TAF4B: variants seen among roughly 807,000 people sequenced by gnomAD.
TAF4B encodes transcription initiation factor TFIID subunit 4B.
Under a neutral mutation model 86.4 loss-of-function variants are expected in TAF4B, and 38 were observed. That is an observed-to-expected ratio of 0.44 (90% CI 0.34 to 0.58). TAF4B has a LOEUF of 0.58. TAF4B is among the 20% of genes least tolerant of loss of function. The probability of loss-of-function intolerance (pLI) is 0.02; values close to 1 mark genes in which losing one functional copy is unlikely to be tolerated. For synonymous variants in TAF4B, 388 were observed against 391.2 expected (o/e 0.99, Z 0.10); for missense variants, 988 against 1,027.6 (o/e 0.96, Z 0.53).
chr18:26,308,693 T>C lies in TAF4B; in HGVS notation c.1833-6536T>C, dbSNP rs542002127. ...TTCGAGATCAGCCTGGCCAACATGG[T>C]GAAACCCTGTCTCTACTAAAAATAC... On this transcript the variant is annotated intron_variant, in intron 9 of 14. Transcript: ENST00000269142. Among the ~76,000 whole-genome samples, 8 of 151,904 alleles carry C rather than the reference T, an allele frequency of 5.3e-5. No individual in the cohort carries two copies. In the East Asian group the frequency reaches 1.2e-3, roughly 22 times the overall value.
At chr18:26,278,910 G>A (rs1161916238) in intron 5 of TAF4B, among the ~76,000 whole-genome samples, 1 of 151,976 alleles carries the variant, frequency 6.6e-6, no homozygotes, top group Non-Finnish European at 1.5e-5. Context: ...TAGTCTTGCA[G>A]ATCCATAGCC....
chr18:26,293,062 A>G (rs759785282), intron 8 of TAF4B, among the ~76,000 whole-genome samples: 21 of 152,198 alleles, frequency 1.4e-4, no homozygotes, highest in Non-Finnish European at 2.8e-4. Context: ...AATCAGTCTT[A>G]CCCAAGTCAG....
At chr18:26,330,772 A>G (rs1020911691) in intron 12 of TAF4B, among the ~76,000 whole-genome samples, 6 of 152,124 alleles carry the variant, frequency 3.9e-5, no homozygotes, top group African/African-American at 1.4e-4. Context: ...GTTTGTAAAA[A>G]CATTCTCCAG....
intron 12 of TAF4B, among the ~76,000 whole-genome samples, chr18:26,328,576 C>A (rs1239533897): frequency 6.6e-6 from 1 of 152,114 alleles, no homozygotes; most frequent in African/African-American, 2.4e-5. Flanking sequence ...CCAGATCCCC[C>A]CAATTTTAAC....
rs541233349 is a variant in TAF4B at position 26,262,253 on chromosome 18, C to T, written c.344-2917C>T. 1.7e-4 allele frequency among the ~76,000 whole-genome samples: 26 copies of T among 151,842 alleles called. No individual in the cohort carries two copies. The South Asian group carries it at 5.4e-3, about 32-fold the overall frequency. ...GAGAAATGCAAGTGACTTCCTCCTC[C>T]CGGGAAGATACCATAGCCTTAGATT... On this transcript the variant is annotated intron_variant, in intron 1 of 14. Coordinates refer to ENST00000269142, the MANE Select transcript of TAF4B (RefSeq NM_005640.3).
chr18:26,226,500 G>C lies in TAF4B; in HGVS notation c.-434G>C, dbSNP rs2055575650. 6.5e-6 allele frequency: 1 copy of C among 154,060 alleles called. No individual in the cohort carries two copies. Among genetic ancestry groups the C allele is most frequent in the Admixed American group, 6.5e-5 (1 of 15,336 alleles). 9.5% of individuals were successfully genotyped at this position (154,060 alleles called of 1,614,324 possible). A position where few individuals can be genotyped will look rare whatever the true frequency, so the allele number is the denominator to read the frequency against. ...CGCGGCGGGGCCGTGCCAATCGCGCGTAGGGGGCTGTGGGCACTCGGGGTT... is the reference window on the plus strand; with the variant it reads ...CGCGGCGGGGCCGTGCCAATCGCGCCTAGGGGGCTGTGGGCACTCGGGGTT... On this transcript the variant is annotated 5_prime_UTR_variant, in exon 1 of 15. Transcript: ENST00000269142.
chr18:26,318,471 T>A (rs1035851077), intron 10 of TAF4B, among the ~76,000 whole-genome samples: 1 of 152,182 alleles, frequency 6.6e-6, no homozygotes, highest in Non-Finnish European at 1.5e-5. Context: ...CAAGGCTGTT[T>A]GTTAAAAATA....
At chr18:26,346,881 A>ATATATATATATATATATGTGTG in intron 13 of TAF4B, among the ~76,000 whole-genome samples, 2 of 8,026 alleles carry the variant, frequency 2.5e-4, no homozygotes, top group Admixed American at 4.3e-3. Flanking sequence ...ATATGTGTAT[A>ATATATATATATATATATGTGTG]TATATATATA....
chr18:26,341,131 T>G (rs576513513), intron 13 of TAF4B, among the ~76,000 whole-genome samples: 15 of 152,288 alleles, frequency 9.8e-5, no homozygotes, highest in African/African-American at 3.6e-4. Context: ...GGAAGTAAAG[T>G]ATCTTGGATT....
At chr18:26,364,740 T>A (rs2057358712) in intron 14 of TAF4B, among the ~76,000 whole-genome samples, 1 of 150,572 alleles carries the variant, frequency 6.6e-6, no homozygotes, top group Non-Finnish European at 1.5e-5. Flanking sequence ...TATTAAGGAA[T>A]TTCAGCATAC....
At chr18:26,296,539 G>T (rs2056665105) in intron 9 of TAF4B, among the ~76,000 whole-genome samples, 1 of 150,336 alleles carries the variant, frequency 6.7e-6, no homozygotes, top group Non-Finnish European at 1.5e-5. Flanking sequence ...CATGGGATTT[G>T]TTTTTTTTTC....
intron 5 of TAF4B, among the ~76,000 whole-genome samples, chr18:26,281,608 G>C (rs946721044): frequency 6.6e-6 from 1 of 152,062 alleles, no homozygotes; most frequent in Admixed American, 6.6e-5. Context: ...TAAACCCTAA[G>C]GTCTCCAAAC....
At chr18:26,273,636 C>A (rs2056347671) in intron 3 of TAF4B, among the ~76,000 whole-genome samples, 1 of 152,174 alleles carries the variant, frequency 6.6e-6, no homozygotes, top group Admixed American at 6.5e-5. Flanking sequence ...CTCAAGCAAT[C>A]CTCCTGGCTC....
intron 1 of TAF4B, among the ~76,000 whole-genome samples, chr18:26,229,006 C>T (rs2055621797): frequency 6.6e-6 from 1 of 151,828 alleles, no homozygotes. Context: ...AGTTTTAGCT[C>T]AGGTCTGTTT....
intron 5 of TAF4B, among the ~76,000 whole-genome samples, chr18:26,278,378 C>T (rs2056407765): frequency 6.6e-6 from 1 of 152,022 alleles, no homozygotes; most frequent in Non-Finnish European, 1.5e-5. Context: ...GATACTAGCT[C>T]ACTGCAGCCT....
chr18:26,239,945 A>G (rs368087792), intron 1 of TAF4B, among the ~76,000 whole-genome samples: 1 of 152,080 alleles, frequency 6.6e-6, no homozygotes, highest in East Asian at 1.9e-4. Flanking sequence ...CCATTGGTCT[A>G]TATCTCTGTT....
chr18:26,350,135 A>G (rs1000773576), intron 13 of TAF4B, among the ~76,000 whole-genome samples: 17 of 152,260 alleles, frequency 1.1e-4, no homozygotes, highest in African/African-American at 4.1e-4. Context: ...GCTTCAGGAC[A>G]TACTTTATGT....
intron 1 of TAF4B, among the ~76,000 whole-genome samples, chr18:26,234,276 C>T (rs1418464496): frequency 3.9e-5 from 6 of 152,206 alleles, no homozygotes; most frequent in Non-Finnish European, 8.8e-5. Context: ...TCTGCCTTTT[C>T]TCCTTCACCT....
intron 13 of TAF4B, among the ~76,000 whole-genome samples, chr18:26,342,891 A>G (rs764885000): frequency 2.4e-4 from 36 of 152,212 alleles, no homozygotes; most frequent in Non-Finnish European, 5.0e-4. Flanking sequence ...AAGCAGTCTT[A>G]CATTTTATTA....
Sources: allele counts gnomAD v4.1 joint callset (sites outside exome capture counted in the v4.1 genomes callset), GRCh38; gene constraint gnomAD v4.1.1; transcripts MANE v1.5; gene names NCBI Gene and HGNC (gene_info 2026-07-23, HGNC 2026-07-21).